Variants in KLHL10 observed in about 807,000 individuals in gnomAD.
The protein encoded by KLHL10 is kelch-like protein 10.
A neutral mutation model predicts 46.6 loss-of-function variants in KLHL10; 11 were observed. The observed-to-expected ratio is 0.24, with a 90% confidence interval of 0.15 to 0.39. KLHL10 has a LOEUF of 0.39. Among genes scored for constraint, KLHL10 ranks in the 10% least tolerant of loss-of-function variants. The pLI is 1.00. For missense variants in KLHL10, 475 were observed against 789.8 expected, an observed-to-expected ratio of 0.60 and a Z score of 4.78; for synonymous variants, 254 against 279.1, an observed-to-expected ratio of 0.91 and a Z score of 0.90.
At chr17:41,846,322 A>C (rs1555621415) in intron 3 of KLHL10, among the ~76,000 whole-genome samples, 3 of 151,986 alleles carry the variant, frequency 2.0e-5, no homozygotes, top group African/African-American at 7.3e-5. Context: ...GGAGATTGAG[A>C]CCATCCTGGC....
chr17:41,845,142 T>C lies in KLHL10; in HGVS notation c.701T>C (p.Met234Thr), dbSNP rs200957650. The C allele has an allele frequency of 6.2e-7, 1 of 1,614,254 alleles. No homozygotes were observed. The highest frequency in any genetic ancestry group is 1.3e-5 in the African/African-American group (1 of 75,064). The change falls in exon 3 of 5, where the codon ATG becomes ACG. Residue 234 changes from methionine to threonine, a missense_variant. Coordinates refer to ENST00000293303, the MANE Select transcript of KLHL10 (RefSeq NM_152467.5). The part of the protein sequence containing the change: ...ILLPKVRLAL[M>T]HAEYFMNNVK... ...GCTTCTTAGGTTCGCCTGGCCCTAA[T>C]GCATGCTGAGTACTTCATGAACAAT...
intron 4 of KLHL10, among the ~76,000 whole-genome samples, chr17:41,847,707 G>GT (rs1290900333): frequency 6.6e-6 from 1 of 152,154 alleles, no homozygotes; most frequent in African/African-American, 2.4e-5. Flanking sequence ...GGGTTTCACT[G>GT]TGTTAGCCCA....
At chr17:41,847,910 C>G (rs200016950) in intron 4 of KLHL10, 23 bp from the exon 5 acceptor site, 3 of 1,613,270 alleles carry the variant, frequency 1.9e-6, no homozygotes, top group African/African-American at 1.3e-5. Flanking sequence ...AGCAGTCAAC[C>G]GTGTTTCTTT....
chr17:41,838,419 G>T (rs782506542), intron 1 of KLHL10, among the ~76,000 whole-genome samples: 5 of 151,970 alleles, frequency 3.3e-5, no homozygotes, highest in Admixed American at 6.6e-5. Context: ...ATGCTGCTAC[G>T]TCCGGCTACT....
upstream of KLHL10, chr17:41,836,306 G>T: frequency 8.1e-7 from 1 of 1,230,340 alleles, no homozygotes; most frequent in Non-Finnish European, 1.0e-6. Context: ...GCCGGGGGCG[G>T]GGCGGGGGTG....
At chr17:41,842,950 A>G (rs563307403) in intron 2 of KLHL10, among the ~76,000 whole-genome samples, 2 of 151,664 alleles carry the variant, frequency 1.3e-5, no homozygotes, top group African/African-American at 4.8e-5. Flanking sequence ...AAAAAAAAGA[A>G]AAAAAAATTA....
rs1264420673 is a variant in KLHL10 at position 41,838,064 on chromosome 17, G to A, written c.132G>A (p.Lys44=). ...LEGKLCDVVI[K]VNGFEFSAHK... is the part of the protein sequence containing the mutation. ...GCAAGCTCTGCGACGTGGTCATCAA[G>A]GTCAATGGCTTTGAGTTCAGTGCCC... Residue 44 remains lysine (K), a synonymous_variant, in exon 1 of 5, where the codon AAG becomes AAA. Transcript: ENST00000293303. The A allele has an allele frequency of 1.2e-6, 2 of 1,614,064 alleles. No homozygotes were observed. Among genetic ancestry groups the A allele is most frequent in the Non-Finnish European group, 1.7e-6 (2 of 1,180,014 alleles).
upstream of KLHL10, chr17:41,835,979 C>G (rs782695597): frequency 1.4e-5 from 21 of 1,555,024 alleles, no homozygotes; most frequent in Non-Finnish European, 1.8e-5. Flanking sequence ...CCCGAGAGAA[C>G]CACTGACCCC....
Position 41,845,236 on chromosome 17 carries a change from C to A in KLHL10, c.795C>A (p.Ala265=). 1 of 1,614,202 alleles carries A rather than the reference C, an allele frequency of 6.2e-7. No individual in the cohort carries two copies. Among genetic ancestry groups the A allele is most frequent in the South Asian group, 1.1e-5 (1 of 91,086 alleles). The part of the protein sequence containing the change: ...CKPVIINALK[A]MYDLNMNGPS... ...CAGTCATCATTAATGCCCTAAAGGC[C>A]ATGTATGACCTCAACATGAATGGAC... The change falls in exon 3 of 5, where the codon GCC becomes GCA. Residue 265 remains alanine (A), a synonymous_variant. Transcript: ENST00000293303.
intron 1 of KLHL10, among the ~76,000 whole-genome samples, chr17:41,838,388 A>T (rs1173800902): frequency 6.6e-6 from 1 of 152,088 alleles, no homozygotes; most frequent in South Asian, 2.1e-4. Context: ...CAGCCTCCCA[A>T]GTAGCTAGGT....
At chr17:41,837,528 G>T, upstream of KLHL10, 1 of 1,024,456 alleles carries the variant, frequency 9.8e-7, no homozygotes, top group Non-Finnish European at 1.2e-6. Context: ...CGGTGTCTAG[G>T]GAGCCAAGTG....
chr17:41,839,862 GCCA>G lies in KLHL10; in HGVS notation c.194+1741_194+1743del, dbSNP rs370909626. Among the ~76,000 whole-genome samples, 872 of 149,970 alleles carry G rather than the reference GCCA, an allele frequency of 5.8e-3. 10 individuals are homozygous for G. Among genetic ancestry groups the G allele is most frequent in the African/African-American group, 0.02 (825 of 40,708 alleles). The stretch of plus-strand genomic sequence containing the variant: ...CGAATATCTGGGATTACAGCTGTGT[GCCA>G]CCACATCTGGCTAATTTTTCTTTTT... On this transcript the variant is annotated intron_variant, in intron 1 of 4. Transcript: ENST00000293303.
chr17:41,848,351 ATTCT>A lies in KLHL10; in HGVS notation c.*47_*50del. The A allele has an allele frequency of 6.3e-7, 1 of 1,586,040 alleles. No homozygotes were observed. The highest frequency in any genetic ancestry group is 1.1e-5 in the South Asian group (1 of 89,188). ...TAAAAAGTCTAAGCAATAAGAATTA[ATTCT>A]TTTTTTAAAAAAATGCAGTGTTTAA... On this transcript the variant is annotated 3_prime_UTR_variant, in exon 5 of 5. Coordinates refer to ENST00000293303, the MANE Select transcript of KLHL10 (RefSeq NM_152467.5).
In KLHL10 at chr17:41,838,226, G is replaced by A. The variant is rs2048189022; in HGVS notation, c.194+100G>A. On this transcript the variant is annotated intron_variant, in intron 1 of 4. Transcript: ENST00000293303. ...TCCCACCCCATCACCTTAACTTTAG[G>A]GACACTGTCAAAGCTCTGGGCTCCT... The A allele has an allele frequency of 3.6e-5, 39 of 1,077,550 alleles. No individual in the cohort carries two copies. The South Asian group carries it at 4.7e-4, about 13-fold the overall frequency. The allele number at this position is 1,077,550 out of a possible 1,614,324, so 66.7% of individuals were successfully genotyped here. A position where few individuals can be genotyped will look rare whatever the true frequency, so the allele number is the denominator to read the frequency against.
intron 2 of KLHL10, among the ~76,000 whole-genome samples, chr17:41,844,542 ATTTTTTT>A (rs369578859): frequency 0.048 from 5,521 of 115,248 alleles, 135 homozygotes; most frequent in Non-Finnish European, 0.067. Flanking sequence ...TGGTTTTTGT[ATTTTTTT>A]TTTTTTTTTT....
chr17:41,846,621 C>T lies in KLHL10; in HGVS notation c.1303-640C>T, dbSNP rs560640235. 7.5e-4 allele frequency among the ~76,000 whole-genome samples: 113 copies of T among 150,956 alleles called. 1 individual carries two copies. Among genetic ancestry groups the T allele is most frequent in the African/African-American group, 2.6e-3 (107 of 41,110 alleles). ...CAGCACTTTGGGAGGCCAAGGTGGG[C>T]GGATCACTTGAGGTCAGGAGTTTGA... On this transcript the variant is annotated intron_variant, in intron 3 of 4. Transcript: ENST00000293303.
chr17:41,837,203 T>C (rs1263240852), upstream of KLHL10, among the ~76,000 whole-genome samples: 1 of 152,184 alleles, frequency 6.6e-6, no homozygotes, highest in Admixed American at 6.5e-5. Flanking sequence ...TCTCACTCTG[T>C]CGCCAGGCTG....
intron 1 of KLHL10, among the ~76,000 whole-genome samples, chr17:41,840,267 G>A (rs2048213433): frequency 6.6e-6 from 1 of 152,350 alleles, no homozygotes; most frequent in South Asian, 2.1e-4. Flanking sequence ...ATTCCAATAA[G>A]ATTATTTATG....
chr17:41,835,889 G>C, upstream of KLHL10: 2 of 1,609,310 alleles, frequency 1.2e-6, no homozygotes, highest in Non-Finnish European at 1.7e-6. Context: ...CCTTGCGGAG[G>C]GCGCCCACGA....
Sources: allele counts gnomAD v4.1 joint callset (sites outside exome capture counted in the v4.1 genomes callset), GRCh38; gene constraint gnomAD v4.1.1; transcripts MANE v1.5; gene names NCBI Gene and HGNC (gene_info 2026-07-23, HGNC 2026-07-21).